The following TRMT2B variants were observed in gnomAD, a reference collection of about 807,000 sequenced individuals.
TRMT2B encodes tRNA methyltransferase 2B, also known as tRNA (uracil-5-)-methyltransferase homolog B.
Under a neutral mutation model 39.7 loss-of-function variants are expected in TRMT2B, and 34 were observed. The observed-to-expected ratio is 0.86, with a 90% CI of 0.65 to 1.14. TRMT2B has a LOEUF of 1.14. Ranked by LOEUF, TRMT2B falls within the 50% of genes most tolerant of loss-of-function variation. The probability of loss-of-function intolerance (pLI) is 0.00; values close to 1 mark genes in which losing one functional copy is unlikely to be tolerated. For synonymous variants in TRMT2B, 132 were observed against 137.3 expected (o/e 0.96, Z 0.27); for missense variants, 318 against 377.2 (o/e 0.84, Z 1.30).
the TRMT2B span, chrX:100,985,699 T>A: frequency 8.3e-7 from 1 of 1,210,407 alleles, no homozygotes; most frequent in African/African-American, 1.7e-5. Context: ...TTGCATGAAA[T>A]CGGAACTGAC....
the TRMT2B span, among the ~76,000 whole-genome samples, chrX:100,978,842 G>A: frequency 9.1e-6 from 1 of 109,375 alleles, no homozygotes; most frequent in Non-Finnish European, 1.9e-5. Flanking sequence ...TATATTTTTT[G>A]TCTATCTGTT....
At chrX:101,032,816 G>A (rs73565046) in intron 7 of TRMT2B, among the ~76,000 whole-genome samples, 3,952 of 103,794 alleles carry the variant, frequency 0.038, 234 homozygotes, top group African/African-American at 0.13. Flanking sequence ...AGCAAAAGAA[G>A]CCCCAGGATA....
At chrX:101,021,029 G>A in intron 10 of TRMT2B, 72 bp downstream of exon 10, 8 of 1,015,866 alleles carry the variant, frequency 7.9e-6, no homozygotes, top group South Asian at 5.8e-5. Context: ...ACCTCTCCCC[G>A]ACCACCTCCG....
chrX:101,007,473 C>G (rs1250369775), downstream of TRMT2B, among the ~76,000 whole-genome samples: 1 of 110,562 alleles, frequency 9.0e-6, no homozygotes, highest in African/African-American at 3.3e-5. Context: ...AAGATGAAAC[C>G]CTGCCTCTAC....
At chrX:100,976,915 C>A in the TRMT2B span, among the ~76,000 whole-genome samples, 2 of 112,453 alleles carry the variant, frequency 1.8e-5, no homozygotes, top group Admixed American at 1.9e-4. Flanking sequence ...ATGTTTTTTG[C>A]CAAGAACAGA....
At position 101,037,808 on chromosome X, in the gene TRMT2B, A is replaced by G. The variant is rs186813272; in HGVS notation, c.438+109T>C. Reference sequence around the variant, plus strand: ...GTAAAATGTGACAATGATGCATGATAATAATTTAGCATAGGGCCTGGTCCC... The same window carrying G: ...GTAAAATGTGACAATGATGCATGATGATAATTTAGCATAGGGCCTGGTCCC... On this transcript the variant is annotated intron_variant, in intron 5 of 13. Coordinates refer to ENST00000372936, the MANE Select transcript of TRMT2B (RefSeq NM_024917.6). 44 of 790,051 alleles carry G rather than the reference A, an allele frequency of 5.6e-5. No homozygotes were observed. The African/African-American group carries it at 8.7e-4, about 16-fold the overall frequency. 65.1% of individuals were successfully genotyped at this position (790,051 alleles called of 1,213,427 possible).
At chrX:101,046,033 C>A (rs1201047180) in intron 2 of TRMT2B, among the ~76,000 whole-genome samples, 1 of 104,278 alleles carries the variant, frequency 9.6e-6, no homozygotes, top group Non-Finnish European at 1.9e-5. Context: ...GTAGTCCCAG[C>A]TACTCGGGAG....
At chrX:101,036,640 A>G (rs749862803) in intron 6 of TRMT2B, among the ~76,000 whole-genome samples, 5 of 110,951 alleles carry the variant, frequency 4.5e-5, no homozygotes, top group African/African-American at 1.6e-4. Flanking sequence ...TAACAAGGAG[A>G]TTGCTCCCAC....
chrX:101,032,262 G>A (rs1453037313), intron 7 of TRMT2B, among the ~76,000 whole-genome samples: 3 of 109,257 alleles, frequency 2.7e-5, no homozygotes, highest in African/African-American at 6.7e-5. Flanking sequence ...CTCCAGCCTG[G>A]GCAACAGAGT....
At chrX:101,030,966 A>C (rs776816245) in intron 7 of TRMT2B, among the ~76,000 whole-genome samples, 1 of 108,838 alleles carries the variant, frequency 9.2e-6, no homozygotes, top group South Asian at 3.9e-4. Context: ...TAACTGGTCA[A>C]AGCCTCACTA....
At chrX:100,975,007 TCATCTC>T in the TRMT2B span, among the ~76,000 whole-genome samples, 1 of 111,918 alleles carries the variant, frequency 8.9e-6, no homozygotes, top group Non-Finnish European at 1.9e-5. Flanking sequence ...GCTGATCTTG[TCATCTC>T]CATTTGTCCC....
the TRMT2B span, among the ~76,000 whole-genome samples, chrX:100,996,876 T>C: frequency 9.0e-6 from 1 of 111,706 alleles, no homozygotes; most frequent in Non-Finnish European, 1.9e-5. Flanking sequence ...CACAGCACTG[T>C]ACCCAGCCTG....
At position 101,042,141 on chromosome X, in the gene TRMT2B, C is replaced by T; in HGVS notation, c.149G>A (p.Gly50Glu). 8.3e-7 allele frequency: 1 copy of T among 1,211,966 alleles called. No homozygotes were observed. Residue 50 changes from glycine (G) to glutamate (E), a missense_variant, in exon 3 of 14, where the codon GGA becomes GAA. Physicochemically the swap from Gly to Glu is moderately conservative, Grantham distance 98. Transcript: ENST00000372936. ...SQLFLGTVCK[G>E]DFTRVIATKC... Reference sequence around the variant, plus strand: ...CGTGGCTATCACACGGGTGAAATCTCCCTTACATACTGTGCCCAGAAAGAG... The same window carrying T: ...CGTGGCTATCACACGGGTGAAATCTTCCTTACATACTGTGCCCAGAAAGAG...
the TRMT2B span, chrX:100,987,504 A>G: frequency 8.3e-7 from 1 of 1,211,560 alleles, no homozygotes; most frequent in Non-Finnish European, 1.1e-6. Context: ...TACCTCGAGC[A>G]TCTCAATCTC....
At chrX:101,021,002 C>T in intron 10 of TRMT2B, 99 bp downstream of exon 10, 4 of 763,301 alleles carry the variant, frequency 5.2e-6, no homozygotes, top group East Asian at 3.3e-5. Context: ...CAAGGTTATA[C>T]CTGCACCACT....
intron 7 of TRMT2B, among the ~76,000 whole-genome samples, chrX:101,026,001 AAGAG>A (rs1193051385): frequency 6.9e-5 from 7 of 101,568 alleles, no homozygotes; most frequent in African/African-American, 2.5e-4. Flanking sequence ...GAGGGAAAGA[AAGAG>A]AGACAGAAAG....
At chrX:101,006,483 C>T (rs2086103575), downstream of TRMT2B, among the ~76,000 whole-genome samples, 1 of 109,989 alleles carries the variant, frequency 9.1e-6, no homozygotes, top group South Asian at 3.9e-4. Context: ...ATCTGTATAC[C>T]TTATACAGAC....
intron 2 of TRMT2B, among the ~76,000 whole-genome samples, chrX:101,045,962 A>G (rs1345279317): frequency 1.8e-5 from 2 of 108,124 alleles, no homozygotes; most frequent in Non-Finnish European, 1.9e-5. Context: ...GCTGGCCAAC[A>G]TGGTGAAACC....
the TRMT2B span, chrX:100,985,935 G>C: frequency 8.4e-7 from 1 of 1,190,584 alleles, no homozygotes; most frequent in Non-Finnish European, 1.1e-6. Flanking sequence ...CTGCCTTTCT[G>C]TCCTATTTCT....
Sources: allele counts gnomAD v4.1 joint callset (sites outside exome capture counted in the v4.1 genomes callset), GRCh38; gene constraint gnomAD v4.1.1; transcripts MANE v1.5; gene names NCBI Gene and HGNC (gene_info 2026-07-23, HGNC 2026-07-21).